Variants in MAPK10 observed in about 807,000 individuals in gnomAD.
The protein encoded by MAPK10 is mitogen-activated protein kinase 10, also known as JNK3 alpha protein kinase.
MAPK10 carries 25 observed loss-of-function variants against 59.3 expected under a neutral mutation model. The ratio of observed to expected loss-of-function variants is 0.42; its 90% CI spans 0.31 to 0.59. The LOEUF (loss-of-function observed/expected upper bound fraction) is 0.59. Ranked by LOEUF, MAPK10 falls within the 20% of genes least tolerant of loss-of-function variation. The probability of loss-of-function intolerance (pLI) is 0.15; values close to 1 mark genes in which losing one functional copy is unlikely to be tolerated. For missense variants in MAPK10, 351 were observed against 568.9 expected (o/e 0.62, Z 3.90); for synonymous variants, 190 against 200.5 (o/e 0.95, Z 0.44).
intron 2 of MAPK10, among the ~76,000 whole-genome samples, chr4:86,212,400 T>C (rs2086094051): frequency 6.6e-6 from 1 of 152,100 alleles, no homozygotes; most frequent in Admixed American, 6.6e-5. Context: ...TGCACACCTG[T>C]ATTCCTAGCT....
intron 1 of MAPK10, among the ~76,000 whole-genome samples, chr4:86,517,663 T>C (rs545754453): frequency 2.0e-5 from 3 of 152,288 alleles, no homozygotes; most frequent in East Asian, 3.9e-4. Flanking sequence ...TATTGGTCTA[T>C]AGTTTTCTTA....
intron 2 of MAPK10, among the ~76,000 whole-genome samples, chr4:86,331,351 G>A (rs1011557304): frequency 6.6e-6 from 1 of 152,118 alleles, no homozygotes; most frequent in Non-Finnish European, 1.5e-5. Context: ...TTAGTGGCAC[G>A]CAGGCAAAAC....
intron 9 of MAPK10, among the ~76,000 whole-genome samples, chr4:86,082,675 G>C (rs2149033083): frequency 6.6e-6 from 1 of 152,236 alleles, no homozygotes. Context: ...GATAACAAGG[G>C]AATGTAAAGG....
chr4:86,540,838 C>G (rs1163877106), intron 1 of MAPK10, among the ~76,000 whole-genome samples: 1 of 152,090 alleles, frequency 6.6e-6, no homozygotes, highest in Non-Finnish European at 1.5e-5. Flanking sequence ...CGTGGTGGCT[C>G]ATTCCTGAAA....
At chr4:86,164,080 G>T (rs1292809935) in intron 3 of MAPK10, among the ~76,000 whole-genome samples, 1 of 152,114 alleles carries the variant, frequency 6.6e-6, no homozygotes, top group Admixed American at 6.6e-5. Flanking sequence ...AAACATTGAG[G>T]TTTAAGAATT....
At chr4:86,080,676 T>A (rs1186785905) in intron 9 of MAPK10, 1 of 151,950 alleles carries the variant, frequency 6.6e-6, no homozygotes, top group South Asian at 2.1e-4. Flanking sequence ...ACTACCTTTA[T>A]GCAAAAAAAT....
intron 2 of MAPK10, among the ~76,000 whole-genome samples, chr4:86,195,847 G>T (rs2081175013): frequency 6.6e-6 from 1 of 152,158 alleles, no homozygotes; most frequent in African/African-American, 2.4e-5. Flanking sequence ...GTGTTAGTTT[G>T]CTGAGAATGA....
intron 11 of MAPK10, among the ~76,000 whole-genome samples, chr4:86,053,898 C>T (rs2044037847): frequency 6.6e-6 from 1 of 152,110 alleles, no homozygotes; most frequent in Non-Finnish European, 1.5e-5. Context: ...ATACCTTAGC[C>T]ATACCTCAGC....
At chr4:86,277,027 C>A (rs1219229047) in intron 2 of MAPK10, 1 of 152,166 alleles carries the variant, frequency 6.6e-6, no homozygotes, top group African/African-American at 2.4e-5. Context: ...CATCTCTTCC[C>A]TGTGTGAAGA....
chr4:86,200,271 AAC>A (rs1163063081), intron 2 of MAPK10, among the ~76,000 whole-genome samples: 2 of 151,986 alleles, frequency 1.3e-5, no homozygotes, highest in African/African-American at 4.8e-5. Flanking sequence ...ATATCCCTGA[AAC>A]ACACATTTCA....
At chr4:86,145,588 GTC>G (rs2064784394) in intron 4 of MAPK10, among the ~76,000 whole-genome samples, 1 of 152,012 alleles carries the variant, frequency 6.6e-6, no homozygotes, top group South Asian at 2.1e-4. Flanking sequence ...GGTTTCTTGA[GTC>G]TCTCCATTTC....
At chr4:86,422,223 T>C (rs1347321033) in intron 1 of MAPK10, among the ~76,000 whole-genome samples, 1 of 152,226 alleles carries the variant, frequency 6.6e-6, no homozygotes, top group Non-Finnish European at 1.5e-5. Flanking sequence ...TTTACAGCTA[T>C]GTTGCCCCTA....
chr4:86,132,654 A>G (rs77837165), intron 4 of MAPK10, among the ~76,000 whole-genome samples: 7,466 of 152,254 alleles, frequency 0.049, 613 homozygotes, highest in African/African-American at 0.17. Flanking sequence ...ACAGCCACTC[A>G]CCATGACTCA....
chr4:86,479,067 T>A (rs1753358136), intron 1 of MAPK10, among the ~76,000 whole-genome samples: 1 of 152,160 alleles, frequency 6.6e-6, no homozygotes, highest in Non-Finnish European at 1.5e-5. Context: ...CCTCTTGGTC[T>A]TGGTAGACAC....
rs1279500364 is a variant in MAPK10, at chr4:86,029,227, C to A, written c.1222G>T (p.Gly408Cys). ...GGAGAAGGCTGTCCTTTTACTACAC[C>A]ATTTTTAGTCTTTTCTTCTGAATTC... ...VMNSEEKTKNGVVKGQPSPSG... is the reference protein window; with the variant it reads ...VMNSEEKTKNCVVKGQPSPSG... Residue 408 changes from glycine (G) to cysteine (C), a missense_variant, in exon 13 of 14, where the codon GGT becomes TGT. Coordinates refer to ENST00000641462, the MANE Select transcript of MAPK10 (RefSeq NM_138982.4). The A allele has an allele frequency of 6.2e-7, 1 of 1,611,108 alleles. No individual in the cohort carries two copies.
At chr4:86,097,706 A>G (rs551096417) in intron 9 of MAPK10, among the ~76,000 whole-genome samples, 2 of 152,164 alleles carry the variant, frequency 1.3e-5, no homozygotes, top group East Asian at 3.9e-4. Flanking sequence ...TATTGTCTAT[A>G]TATTACAAAC....
At chr4:86,071,111 G>A (rs2047844449) in intron 9 of MAPK10, among the ~76,000 whole-genome samples, 1 of 151,684 alleles carries the variant, frequency 6.6e-6, no homozygotes, top group East Asian at 2.0e-4. Flanking sequence ...GTATCTCATA[G>A]TGGTTTTGAT....
chr4:86,394,348 T>C (rs551487748), intron 1 of MAPK10, among the ~76,000 whole-genome samples: 1 of 152,236 alleles, frequency 6.6e-6, no homozygotes, highest in African/African-American at 2.4e-5. Flanking sequence ...AAATATGTCA[T>C]ACTTGACTTA....
intron 2 of MAPK10, among the ~76,000 whole-genome samples, chr4:86,295,996 T>C (rs1006833690): frequency 6.6e-6 from 1 of 150,956 alleles, no homozygotes; most frequent in Non-Finnish European, 1.5e-5. Context: ...GCCAACATGG[T>C]GAAACCCTGT....
Sources: gnomAD v4.1 joint callset for allele counts (sites outside exome capture counted in the v4.1 genomes callset) on GRCh38, gnomAD v4.1.1 for gene constraint, MANE v1.5 for transcripts, NCBI Gene and HGNC (gene_info 2026-07-23, HGNC 2026-07-21) for gene names.